Variants in VGLL4 observed in about 807,000 individuals in gnomAD.
VGLL4 encodes vestigial like family member 4, also known as transcription cofactor vestigial-like protein 4.
Under a neutral mutation model 21.0 loss-of-function variants are expected in VGLL4, and 7 were observed. The ratio of observed to expected loss-of-function variants is 0.33; its 90% confidence interval spans 0.19 to 0.63. The LOEUF is 0.63. Ranked by LOEUF, VGLL4 falls within the 20% of genes least tolerant of loss-of-function variation. The probability of loss-of-function intolerance (pLI) is 0.78; values close to 1 mark genes in which losing one functional copy is unlikely to be tolerated. For missense variants in VGLL4, 394 were observed against 425.7 expected (o/e 0.93, Z 0.66); for synonymous variants, 222 against 173.2 (o/e 1.28, Z -2.21).
chr3:11,565,687 C>T lies in VGLL4; in HGVS notation c.273-668G>A, dbSNP rs1045290235. ...AGGACACACGAGCAGGAGTGACCTG[C>T]GTCCAGAAGGTCCATCACTAGCCCT... On this transcript the variant is annotated intron_variant, in intron 2 of 4. Coordinates refer to ENST00000430365, the MANE Select transcript of VGLL4 (RefSeq NM_001128219.3). The surrounding 1 kb of genome is among the most constrained non-coding windows in gnomAD (Gnocchi z 4.1). Among the ~76,000 whole-genome samples the T allele has an allele frequency of 6.6e-6, 1 of 152,342 alleles. No homozygotes were observed. Among genetic ancestry groups the T allele is most frequent in the African/African-American group, 2.4e-5 (1 of 41,588 alleles).
At chr3:11,579,525 G>C (rs1334297645) in intron 2 of VGLL4, among the ~76,000 whole-genome samples, 1 of 152,124 alleles carries the variant, frequency 6.6e-6, no homozygotes, top group Admixed American at 6.5e-5. Context: ...CAACCCCCTG[G>C]CTATAAAATC....
intron 2 of VGLL4, among the ~76,000 whole-genome samples, chr3:11,651,645 G>A (rs543159478): frequency 1.3e-5 from 2 of 151,642 alleles, no homozygotes; most frequent in Non-Finnish European, 2.9e-5. Context: ...CTTTGTACAC[G>A]GTAGGTCAAC....
chr3:11,675,920 G>A (rs1208723612), intron 2 of VGLL4, among the ~76,000 whole-genome samples: 3 of 152,126 alleles, frequency 2.0e-5, no homozygotes, highest in African/African-American at 2.4e-5. Context: ...ATACAAAAAT[G>A]TCTGCTTGCC....
chr3:11,595,849 GCGGGGA>G (rs1354807418), intron 2 of VGLL4, among the ~76,000 whole-genome samples: 7,700 of 149,074 alleles, frequency 0.052, 357 homozygotes, highest in African/African-American at 0.096. Context: ...TGTGGGGGGG[GCGGGGA>G]ATAGCATTAG....
rs370228507 is a variant in VGLL4 at position 11,566,800 on chromosome 3, G to A, written c.273-1781C>T. 2.0e-4 allele frequency among the ~76,000 whole-genome samples: 30 copies of A among 152,168 alleles called. No homozygotes were observed. In the South Asian group the frequency reaches 5.8e-3, roughly 30 times the overall value. On this transcript the variant is annotated intron_variant, in intron 2 of 4. Coordinates refer to ENST00000430365, the MANE Select transcript of VGLL4 (RefSeq NM_001128219.3). ...CAATGATCTCTTCGTCTACGCACCC[G>A]CCCCTCCTCACACACGGCAGCCTCT...
intron 2 of VGLL4, chr3:11,671,308 A>G (rs1300400490): frequency 1.3e-6 from 2 of 1,574,776 alleles, no homozygotes; most frequent in Non-Finnish European, 1.7e-6. Context: ...CACAGGACTC[A>G]GGGATTTTGT....
chr3:11,590,258 G>T (rs558852389), intron 2 of VGLL4, among the ~76,000 whole-genome samples: 1 of 152,274 alleles, frequency 6.6e-6, no homozygotes, highest in East Asian at 1.9e-4. Flanking sequence ...TCCCTAGTTG[G>T]GTTCAATGAC....
chr3:11,593,696 TAC>T (rs2125249483), intron 2 of VGLL4, among the ~76,000 whole-genome samples: 1 of 152,184 alleles, frequency 6.6e-6, no homozygotes, highest in South Asian at 2.1e-4. Flanking sequence ...AAGCCTGGAA[TAC>T]ACACTCAAGG....
chr3:11,720,926 C>A (rs1410153677), upstream of VGLL4, among the ~76,000 whole-genome samples: 1 of 152,224 alleles, frequency 6.6e-6, no homozygotes, highest in Non-Finnish European at 1.5e-5. Flanking sequence ...TACCCGCCCC[C>A]CGCCATCCCC....
rs1192694265 is a variant in VGLL4 at position 11,643,724 on chromosome 3, G to A, written c.-206C>T. 2.1e-6 allele frequency: 3 copies of A among 1,403,300 alleles called. No homozygotes were observed. The Admixed American group carries it at 8.9e-5, about 41-fold the overall frequency. The allele number at this position is 1,403,300 out of a possible 1,614,324, so 86.9% of individuals were successfully genotyped here. On this transcript the variant is annotated 5_prime_UTR_variant, in exon 1 of 5. Transcript: ENST00000430365. ...CGAGCTCACACGAAACCCTTCAAGG[G>A]CTTACTGGTAGACGGTGTATGTACT...
At chr3:11,710,255 C>G (rs2076822999) in intron 1 of VGLL4, among the ~76,000 whole-genome samples, 1 of 152,128 alleles carries the variant, frequency 6.6e-6, no homozygotes, top group African/African-American at 2.4e-5. Flanking sequence ...AACATCCAAA[C>G]CAAATCACTT....
upstream of VGLL4, among the ~76,000 whole-genome samples, chr3:11,648,383 A>G (rs2075822879): frequency 6.6e-6 from 1 of 152,218 alleles, no homozygotes; most frequent in Non-Finnish European, 1.5e-5. Context: ...CAAATGTTTT[A>G]AAGATTATTT....
chr3:11,631,678 A>C (rs1447747967), intron 1 of VGLL4, among the ~76,000 whole-genome samples: 1 of 152,216 alleles, frequency 6.6e-6, no homozygotes, highest in African/African-American at 2.4e-5. Flanking sequence ...TATGTATGAG[A>C]AACACTTAAA....
At chr3:11,667,765 T>C (rs751070702) in intron 2 of VGLL4, among the ~76,000 whole-genome samples, 15 of 151,686 alleles carry the variant, frequency 9.9e-5, no homozygotes, top group Non-Finnish European at 2.1e-4. Context: ...TTCTTTGTTC[T>C]ACAATTAACA....
At chr3:11,682,225 G>A (rs1249659965) in intron 2 of VGLL4, among the ~76,000 whole-genome samples, 1 of 152,048 alleles carries the variant, frequency 6.6e-6, no homozygotes. Context: ...CCAACATGGT[G>A]AAACCCCATC....
chr3:11,601,317 T>A (rs563930497), intron 2 of VGLL4, among the ~76,000 whole-genome samples: 2 of 152,336 alleles, frequency 1.3e-5, no homozygotes, highest in African/African-American at 4.8e-5. Context: ...CTTCCCTTTA[T>A]GGGAAGGTCC....
intron 1 of VGLL4, among the ~76,000 whole-genome samples, chr3:11,608,356 C>T (rs1449194856): frequency 1.3e-5 from 2 of 152,068 alleles, no homozygotes; most frequent in African/African-American, 4.8e-5. Context: ...AAGAAAAATG[C>T]CGAATATATA....
At chr3:11,614,097 G>A (rs2075114023) in intron 1 of VGLL4, among the ~76,000 whole-genome samples, 1 of 152,322 alleles carries the variant, frequency 6.6e-6, no homozygotes, top group Middle Eastern at 3.4e-3. Context: ...GCACGGTGCC[G>A]CCTCCTCCCC....
At chr3:11,721,391 T>G, upstream of VGLL4, 1 of 152,222 alleles carries the variant, frequency 6.6e-6, no homozygotes, top group African/African-American at 2.4e-5. Flanking sequence ...GCCCGAAACT[T>G]GGGGCCCCTT....
Sources: allele counts gnomAD v4.1 joint callset (sites outside exome capture counted in the v4.1 genomes callset), GRCh38; gene constraint gnomAD v4.1.1; non-coding constraint Gnocchi (gnomAD v3.1); transcripts MANE v1.5; gene names NCBI Gene and HGNC (gene_info 2026-07-23, HGNC 2026-07-21).